Variants in PRR16 observed in about 807,000 individuals in gnomAD.
The protein encoded by PRR16 is proline rich 16.
Under a neutral mutation model 18.2 loss-of-function variants are expected in PRR16, and 6 were observed. That is an observed-to-expected ratio of 0.33 (90% CI 0.18 to 0.65). The LOEUF (loss-of-function observed/expected upper bound fraction) is 0.65. PRR16 is among the 30% of genes least tolerant of loss of function. The probability of loss-of-function intolerance (pLI) is 0.74; values close to 1 mark genes in which losing one functional copy is unlikely to be tolerated. For missense variants in PRR16, 412 were observed against 376.6 expected, an observed-to-expected ratio of 1.09 and a Z score of -0.78; for synonymous variants, 151 against 147.8, an observed-to-expected ratio of 1.02 and a Z score of -0.16.
At chr5:120,567,704 C>G (rs779122993) in intron 1 of PRR16, among the ~76,000 whole-genome samples, 13 of 152,166 alleles carry the variant, frequency 8.5e-5, no homozygotes, top group Non-Finnish European at 1.5e-4. Context: ...CACTCTCTGT[C>G]TCCTGCTACC....
At chr5:120,488,020 C>G (rs1249429012) in intron 1 of PRR16, among the ~76,000 whole-genome samples, 3 of 152,108 alleles carry the variant, frequency 2.0e-5, no homozygotes, top group Non-Finnish European at 4.4e-5. Context: ...GGTGGATAAG[C>G]TTTTTCATGT....
chr5:120,484,798 T>G (rs1035931349), intron 1 of PRR16, among the ~76,000 whole-genome samples: 1 of 150,886 alleles, frequency 6.6e-6, no homozygotes, highest in Admixed American at 6.6e-5. Context: ...GTCATATATA[T>G]TTTTTTCTTA....
the PRR16 span, among the ~76,000 whole-genome samples, chr5:120,730,338 G>A: frequency 6.6e-6 from 1 of 152,138 alleles, no homozygotes; most frequent in South Asian, 2.1e-4. Flanking sequence ...TTAGTGTGAA[G>A]ATGTGCAATT....
chr5:120,495,977 A>G (rs1009040468), intron 1 of PRR16, among the ~76,000 whole-genome samples: 1 of 151,974 alleles, frequency 6.6e-6, no homozygotes, highest in Non-Finnish European at 1.5e-5. Flanking sequence ...GTGTCAACTT[A>G]AAGAAGTTTC....
chr5:120,766,078 T>C, the PRR16 span, among the ~76,000 whole-genome samples: 2 of 152,038 alleles, frequency 1.3e-5, no homozygotes, highest in Non-Finnish European at 2.9e-5. Flanking sequence ...AATATTTTAG[T>C]ACCTGTACTT....
At chr5:120,609,363 CTT>C (rs1754261047) in intron 1 of PRR16, among the ~76,000 whole-genome samples, 1 of 152,070 alleles carries the variant, frequency 6.6e-6, no homozygotes, top group Non-Finnish European at 1.5e-5. Context: ...GGACTCCCCA[CTT>C]CTCTCTCCCT....
At chr5:120,683,496 C>A (rs202142446) in intron 1 of PRR16, among the ~76,000 whole-genome samples, 2 of 112,240 alleles carry the variant, frequency 1.8e-5, no homozygotes, top group Admixed American at 2.1e-4. Flanking sequence ...TGTGACACTC[C>A]GTCTCAAAAA....
intron 1 of PRR16, among the ~76,000 whole-genome samples, chr5:120,685,378 CTTCA>C (rs59773955): frequency 0.043 from 6,600 of 152,184 alleles, 501 homozygotes; most frequent in African/African-American, 0.15. Flanking sequence ...TAGTTGCTTT[CTTCA>C]TTCACTCTGA....
the PRR16 span, among the ~76,000 whole-genome samples, chr5:120,704,279 G>A: frequency 8.5e-5 from 13 of 152,312 alleles, no homozygotes; most frequent in Admixed American, 8.5e-4. Flanking sequence ...GAAATGGGCA[G>A]CGATGGATGG....
At chr5:120,520,339 G>T (rs1751132283) in intron 1 of PRR16, among the ~76,000 whole-genome samples, 1 of 152,098 alleles carries the variant, frequency 6.6e-6, no homozygotes, top group African/African-American at 2.4e-5. Context: ...AGGTTGCAGT[G>T]AGCCAAGATC....
chr5:120,680,220 C>T (rs925807382), intron 1 of PRR16, among the ~76,000 whole-genome samples: 2 of 152,096 alleles, frequency 1.3e-5, no homozygotes, highest in African/African-American at 2.4e-5. Context: ...TTCCCTCATT[C>T]GTTCCTGTCT....
intron 1 of PRR16, among the ~76,000 whole-genome samples, chr5:120,568,058 T>A (rs1446049297): frequency 6.6e-6 from 1 of 152,210 alleles, no homozygotes. Context: ...TTTAACACAT[T>A]AGTAGTACCT....
chr5:120,541,596 T>C (rs1751917609), intron 1 of PRR16, among the ~76,000 whole-genome samples: 1 of 152,208 alleles, frequency 6.6e-6, no homozygotes, highest in Non-Finnish European at 1.5e-5. Flanking sequence ...TTAAATAATA[T>C]ATTCAGCTAC....
chr5:120,591,129 A>G (rs1753621741), intron 1 of PRR16, among the ~76,000 whole-genome samples: 1 of 151,628 alleles, frequency 6.6e-6, no homozygotes, highest in Non-Finnish European at 1.5e-5. Flanking sequence ...AATGCAAAAT[A>G]TTAGCCGGGT....
chr5:120,530,293 T>A lies in PRR16; in HGVS notation c.159+65648T>A, dbSNP rs867251350. ...TATATATATATATATATTTATTTAT[T>A]TATTTATTTATTTATTTATATTTTA... is the stretch of plus-strand genomic sequence containing the variant. On this transcript the variant is annotated intron_variant, in intron 1 of 1. Transcript: ENST00000407149. Among the ~76,000 whole-genome samples, 717 of 115,928 alleles carry A rather than the reference T, an allele frequency of 6.2e-3. 3 individuals are homozygous for A. The highest frequency in any genetic ancestry group is 0.021 in the South Asian group (81 of 3,888). The allele number at this position is 115,928 out of a possible 152,430, so 76.1% of individuals were successfully genotyped here.
chr5:120,765,631 C>A, the PRR16 span, among the ~76,000 whole-genome samples: 44 of 152,104 alleles, frequency 2.9e-4, no homozygotes, highest in Non-Finnish European at 5.2e-4. Flanking sequence ...TATTGAATTG[C>A]AATATGTATA....
At chr5:120,716,904 T>G in the PRR16 span, among the ~76,000 whole-genome samples, 2 of 151,816 alleles carry the variant, frequency 1.3e-5, no homozygotes, top group Non-Finnish European at 2.9e-5. Context: ...CAAACAAAAA[T>G]CATGGTCCTT....
intron 1 of PRR16, among the ~76,000 whole-genome samples, chr5:120,488,199 A>G (rs1749885821): frequency 6.6e-6 from 1 of 152,036 alleles, no homozygotes; most frequent in African/African-American, 2.4e-5. Flanking sequence ...TTTTCTGTTG[A>G]TTGGAATAGT....
At chr5:120,591,563 G>T (rs932224326) in intron 1 of PRR16, among the ~76,000 whole-genome samples, 3 of 151,698 alleles carry the variant, frequency 2.0e-5, no homozygotes, top group African/African-American at 4.8e-5. Context: ...ATACAAAATA[G>T]ATTTTATTAA....
Sources: allele counts gnomAD v4.1 joint callset (sites outside exome capture counted in the v4.1 genomes callset), GRCh38; gene constraint gnomAD v4.1.1; transcripts MANE v1.5; gene names NCBI Gene and HGNC (gene_info 2026-07-23, HGNC 2026-07-21).